The following ELMO1 variants were observed in gnomAD, a reference collection of about 807,000 sequenced individuals.
ELMO1 encodes engulfment and cell motility protein 1.
A neutral mutation model predicts 98.9 loss-of-function variants in ELMO1; 26 were observed. The ratio of observed to expected loss-of-function variants is 0.26; its 90% CI spans 0.19 to 0.36. The LOEUF (loss-of-function observed/expected upper bound fraction) is 0.36, where lower values mean the gene tolerates loss of function less well. Among genes scored for constraint, ELMO1 ranks in the 10% least tolerant of loss-of-function variants. The probability of loss-of-function intolerance (pLI) is 1.00; values close to 1 mark genes in which losing one functional copy is unlikely to be tolerated. For synonymous variants in ELMO1, 346 were observed against 346.0 expected, an observed-to-expected ratio of 1.00 and a Z score of 0.00; for missense variants, 627 against 935.2, an observed-to-expected ratio of 0.67 and a Z score of 4.30.
intron 19 of ELMO1, among the ~76,000 whole-genome samples, chr7:36,871,275 C>T (rs769684353): frequency 2.7e-4 from 41 of 152,180 alleles, no homozygotes; most frequent in Non-Finnish European, 2.2e-4. Context: ...GTGGCTCATG[C>T]CTGTAATTCT....
intron 1 of ELMO1, among the ~76,000 whole-genome samples, chr7:37,399,810 G>A (rs557908646): frequency 2.1e-4 from 32 of 152,268 alleles, no homozygotes; most frequent in African/African-American, 7.7e-4. Context: ...CCCGTGACTT[G>A]AAGTGGGAGT....
chr7:37,037,277 A>G (rs1795230328), intron 15 of ELMO1, among the ~76,000 whole-genome samples: 1 of 152,218 alleles, frequency 6.6e-6, no homozygotes, highest in Non-Finnish European at 1.5e-5. Flanking sequence ...GTTCCTGTGC[A>G]TTATGTGGAA....
In ELMO1 at chr7:36,971,635, CT is replaced by C. The variant is rs572778056; in HGVS notation, c.1437+41663del. On this transcript the variant is annotated intron_variant, in intron 16 of 21. Transcript: ENST00000310758. ...AGAGATCTAAGCCTGGCGTTATTTA[CT>C]CACTAAATTTACTCTTTGAAATGTG... Among the ~76,000 whole-genome samples, 14 of 152,326 alleles carry C rather than the reference CT, an allele frequency of 9.2e-5. No individual in the cohort carries two copies. The East Asian group carries it at 2.7e-3, about 29-fold the overall frequency.
chr7:36,972,278 A>G (rs1413183053), intron 16 of ELMO1, among the ~76,000 whole-genome samples: 1 of 152,212 alleles, frequency 6.6e-6, no homozygotes, highest in Admixed American at 6.5e-5. Context: ...AGGAGATAAC[A>G]ACTCGTATCC....
At chr7:37,169,454 A>AC (rs1158678874) in intron 13 of ELMO1, among the ~76,000 whole-genome samples, 1 of 152,170 alleles carries the variant, frequency 6.6e-6, no homozygotes, top group African/African-American at 2.4e-5. Context: ...GGAGCTGTAG[A>AC]CCAGAGCTGT....
intron 10 of ELMO1, chr7:37,217,828 C>G (rs571621009): frequency 2.2e-6 from 1 of 456,608 alleles, no homozygotes; most frequent in South Asian, 1.6e-5. Context: ...TCAGAGGACT[C>G]TGTTAGAGGT....
rs374769362 is a variant in ELMO1 at position 37,223,895 on chromosome 7, C to A, written c.701+984G>T. On this transcript the variant is annotated intron_variant, in intron 9 of 21. Transcript: ENST00000310758. ...ACACAACAGTTAACATTTCAGAGAA[C>A]CATTCCCACCCTGCACCACCAACCC... 1.2e-4 allele frequency among the ~76,000 whole-genome samples: 19 copies of A among 152,266 alleles called. 1 individual carries two copies. The East Asian group carries it at 1.9e-3, about 15-fold the overall frequency.
At chr7:37,354,737 G>A (rs1801426001) in intron 1 of ELMO1, among the ~76,000 whole-genome samples, 1 of 152,212 alleles carries the variant, frequency 6.6e-6, no homozygotes, top group African/African-American at 2.4e-5. Flanking sequence ...GTCCCCAGTG[G>A]AGGAGGCAAG....
chr7:37,217,886 G>A (rs937530981), intron 10 of ELMO1: 2 of 433,300 alleles, frequency 4.6e-6, no homozygotes, highest in Non-Finnish European at 9.3e-6. Context: ...ATTGAAAAGT[G>A]CTTAAATACT....
At chr7:37,302,746 T>C (rs1282675568) in intron 4 of ELMO1, among the ~76,000 whole-genome samples, 1 of 152,224 alleles carries the variant, frequency 6.6e-6, no homozygotes, top group Non-Finnish European at 1.5e-5. Flanking sequence ...TAATCATCTC[T>C]ACTGATAATG....
At chr7:37,106,132 C>T (rs1038869588) in intron 14 of ELMO1, among the ~76,000 whole-genome samples, 1 of 151,942 alleles carries the variant, frequency 6.6e-6, no homozygotes, top group African/African-American at 2.4e-5. Flanking sequence ...GCCATTGAAG[C>T]AGGACTGCAT....
chr7:37,183,385 A>G (rs1403043112), intron 13 of ELMO1, among the ~76,000 whole-genome samples: 3 of 152,224 alleles, frequency 2.0e-5, no homozygotes, highest in South Asian at 2.1e-4. Context: ...CACTGCCCCT[A>G]AAGTATTTAC....
At chr7:37,407,164 C>A (rs969672899) in intron 1 of ELMO1, among the ~76,000 whole-genome samples, 4 of 152,182 alleles carry the variant, frequency 2.6e-5, no homozygotes, top group African/African-American at 9.7e-5. Flanking sequence ...TACATCCACA[C>A]AATGACACAG....
intron 15 of ELMO1, among the ~76,000 whole-genome samples, chr7:37,095,974 A>G (rs1043815483): frequency 4.6e-5 from 7 of 152,256 alleles, no homozygotes; most frequent in Non-Finnish European, 7.3e-5. Flanking sequence ...GGGACAGGTT[A>G]AATCATATCC....
chr7:37,431,426 T>C (rs952188592), intron 1 of ELMO1, among the ~76,000 whole-genome samples: 2 of 152,056 alleles, frequency 1.3e-5, no homozygotes, highest in Non-Finnish European at 1.5e-5. Flanking sequence ...TTTCTAAAAG[T>C]GGGAATAGAT....
chr7:37,259,057 T>C, intron 6 of ELMO1, 124 bp downstream of exon 6: 1 of 1,160,734 alleles, frequency 8.6e-7, no homozygotes, highest in East Asian at 2.8e-5. Flanking sequence ...AAAACTATTT[T>C]TTTCCTGAGT....
intron 20 of ELMO1, among the ~76,000 whole-genome samples, chr7:36,862,603 CAGA>C (rs1408331342): frequency 3.9e-5 from 6 of 152,198 alleles, no homozygotes; most frequent in African/African-American, 1.4e-4. Context: ...GAGCGGTCAG[CAGA>C]AGATGAGAGT....
intron 16 of ELMO1, among the ~76,000 whole-genome samples, chr7:37,011,654 G>A (rs73117557): frequency 0.1 from 15,803 of 152,204 alleles, 881 homozygotes; most frequent in Middle Eastern, 0.18. Flanking sequence ...GTAACAACTG[G>A]TGAGGTCTCC....
intron 4 of ELMO1, among the ~76,000 whole-genome samples, chr7:37,305,532 C>G (rs1798569013): frequency 6.6e-6 from 1 of 151,950 alleles, no homozygotes; most frequent in Non-Finnish European, 1.5e-5. Context: ...CCAAACTAAA[C>G]TTTTTAACAC....
Sources: allele counts gnomAD v4.1 joint callset (sites outside exome capture counted in the v4.1 genomes callset), GRCh38; gene constraint gnomAD v4.1.1; transcripts MANE v1.5; gene names NCBI Gene and HGNC (gene_info 2026-07-23, HGNC 2026-07-21).